Variants in PREX1 observed in about 807,000 individuals in gnomAD.
PREX1 encodes the protein phosphatidylinositol 3,4,5-trisphosphate-dependent Rac exchanger 1 protein.
Under a neutral mutation model 198.3 loss-of-function variants are expected in PREX1, and 41 were observed. That is an observed-to-expected ratio of 0.21 (90% CI 0.16 to 0.27). PREX1 has a LOEUF of 0.27. Ranked by LOEUF, PREX1 falls within the 10% of genes least tolerant of loss-of-function variation. The pLI is 1.00. For missense variants in PREX1, 1,620 were observed against 2,200.7 expected, an observed-to-expected ratio of 0.74 and a Z score of 5.28; for synonymous variants, 843 against 887.2, an observed-to-expected ratio of 0.95 and a Z score of 0.89.
intron 7 of PREX1, 127 bp from the exon 8 acceptor site, chr20:48,692,917 T>G (rs2089826883): frequency 1.3e-6 from 1 of 773,172 alleles, no homozygotes; most frequent in African/African-American, 1.7e-5. Context: ...CAGGTAGGGG[T>G]CAGGAGCAGG....
intron 1 of PREX1, among the ~76,000 whole-genome samples, chr20:48,750,945 T>C (rs1167805959): frequency 2.0e-5 from 3 of 152,184 alleles, no homozygotes. Flanking sequence ...TCATTTACTC[T>C]TCCCAGTGGA....
At position 48,694,235 on chromosome 20, in the gene PREX1, CCA is replaced by C. The variant is rs1216061989; in HGVS notation, c.918-1447_918-1446del. On this transcript the variant is annotated intron_variant, in intron 7 of 39. Coordinates refer to ENST00000371941, the MANE Select transcript of PREX1 (RefSeq NM_020820.4). ...CCCGAATTTCTGTTGTTTAAAAACCCCAGTTTCTGGTATTTTGTTATAGCAGC... is the reference window on the plus strand; with the variant it reads ...CCCGAATTTCTGTTGTTTAAAAACCCGTTTCTGGTATTTTGTTATAGCAGC... Among the ~76,000 whole-genome samples the C allele has an allele frequency of 3.3e-5, 5 of 152,170 alleles. No homozygotes were observed. In the South Asian group the frequency reaches 1.0e-3, roughly 32 times the overall value.
intron 14 of PREX1, among the ~76,000 whole-genome samples, chr20:48,673,434 T>TG (rs1245343332): frequency 6.6e-6 from 1 of 152,198 alleles, no homozygotes; most frequent in African/African-American, 2.4e-5. Flanking sequence ...GAGTTAGGCA[T>TG]GGGATTCACC....
chr20:48,857,980 G>T, the PREX1 span, among the ~76,000 whole-genome samples: 574 of 152,362 alleles, frequency 3.8e-3, 5 homozygotes, highest in African/African-American at 0.013. Flanking sequence ...GCAGCAAAAA[G>T]GAAAGTCCAG....
At chr20:48,646,123 T>C (rs538526623) in intron 25 of PREX1, 66 bp from the exon 26 acceptor site, 2 of 1,523,920 alleles carry the variant, frequency 1.3e-6, no homozygotes, top group African/African-American at 1.4e-5. Flanking sequence ...TCCCTGAAAA[T>C]CCCACCAGCA....
At chr20:48,768,293 G>A (rs73258445) in intron 1 of PREX1, among the ~76,000 whole-genome samples, 1 of 152,114 alleles carries the variant, frequency 6.6e-6, no homozygotes, top group East Asian at 1.9e-4. Context: ...ACAGGAGAAC[G>A]GATGAACAAA....
chr20:48,732,035 C>A (rs986811850), intron 4 of PREX1, among the ~76,000 whole-genome samples: 2 of 152,216 alleles, frequency 1.3e-5, no homozygotes, highest in African/African-American at 4.8e-5. Context: ...GTGCTGCCTG[C>A]AAGCCAACAG....
At chr20:48,753,620 C>G (rs2090143641) in intron 1 of PREX1, among the ~76,000 whole-genome samples, 1 of 152,184 alleles carries the variant, frequency 6.6e-6, no homozygotes, top group African/African-American at 2.4e-5. Flanking sequence ...AGAAAAAAAT[C>G]CAACCTCTTC....
At chr20:48,638,627 TCACCACGCCAGG>T (rs2089384548) in intron 30 of PREX1, among the ~76,000 whole-genome samples, 1 of 151,942 alleles carries the variant, frequency 6.6e-6, no homozygotes, top group South Asian at 2.1e-4. Flanking sequence ...TTGTCAGGAC[TCACCACGCCAGG>T]CACCACGGCA....
intron 4 of PREX1, among the ~76,000 whole-genome samples, chr20:48,728,067 A>C (rs1292379408): frequency 6.6e-6 from 1 of 152,140 alleles, no homozygotes; most frequent in African/African-American, 2.4e-5. Context: ...TTCCTCCTCA[A>C]CACCACCCTG....
chr20:48,841,734 C>T, the PREX1 span, among the ~76,000 whole-genome samples: 1 of 152,302 alleles, frequency 6.6e-6, no homozygotes, highest in Non-Finnish European at 1.5e-5. Context: ...ACAGAACCAG[C>T]GGAGTACAGA....
At chr20:48,872,184 G>A in the PREX1 span, among the ~76,000 whole-genome samples, 2 of 151,512 alleles carry the variant, frequency 1.3e-5, no homozygotes, top group African/African-American at 4.9e-5. Context: ...AAGATTCAGG[G>A]TACCTCTCTC....
At chr20:48,877,419 C>T in the PREX1 span, among the ~76,000 whole-genome samples, 13 of 152,278 alleles carry the variant, frequency 8.5e-5, no homozygotes, top group Admixed American at 8.5e-4. Flanking sequence ...GCACTTTTTT[C>T]TGCACTCTTT....
At chr20:48,844,731 C>T in the PREX1 span, among the ~76,000 whole-genome samples, 11 of 152,256 alleles carry the variant, frequency 7.2e-5, no homozygotes, top group Non-Finnish European at 1.3e-4. Flanking sequence ...CCTGGATCCT[C>T]AATGCTGCTC....
At chr20:48,768,623 G>A (rs1043660812) in intron 1 of PREX1, among the ~76,000 whole-genome samples, 1 of 152,074 alleles carries the variant, frequency 6.6e-6, no homozygotes, top group African/African-American at 2.4e-5. Flanking sequence ...ATGAAACCCC[G>A]TCTCTGCTAA....
Position 48,636,701 on chromosome 20 carries a change from G to T in PREX1, c.3947-18C>A. ...CTCCGTGTCTGGGGGCAGAGGGCAG[G>T]AGGCCTTGCTGGAGGGGCGCTCCCG... is the stretch of plus-strand genomic sequence containing the variant. On this transcript the variant is annotated intron_variant, in intron 31 of 39. Coordinates refer to ENST00000371941, the MANE Select transcript of PREX1 (RefSeq NM_020820.4). 1 of 1,580,044 alleles carries T rather than the reference G, an allele frequency of 6.3e-7. No homozygotes were observed.
intron 1 of PREX1, among the ~76,000 whole-genome samples, chr20:48,792,853 C>CACACATAT (rs1256864071): frequency 4.2e-4 from 61 of 145,352 alleles, no homozygotes; most frequent in Middle Eastern, 7.1e-3. Context: ...CACACACACA[C>CACACATAT]ATAGTATGAT....
intron 1 of PREX1, among the ~76,000 whole-genome samples, chr20:48,799,506 G>A (rs916720432): frequency 6.6e-6 from 1 of 152,212 alleles, no homozygotes; most frequent in African/African-American, 2.4e-5. Context: ...CTATCACCCT[G>A]GAGACTGCAT....
chr20:48,723,163 C>T (rs540768578), intron 5 of PREX1, among the ~76,000 whole-genome samples: 110 of 152,292 alleles, frequency 7.2e-4, no homozygotes, highest in Admixed American at 2.7e-3. Flanking sequence ...TCGCCTCTTC[C>T]CTCTTCCTAC....
Sources: gnomAD v4.1 joint callset for allele counts (sites outside exome capture counted in the v4.1 genomes callset) on GRCh38, gnomAD v4.1.1 for gene constraint, MANE v1.5 for transcripts, NCBI Gene and HGNC (gene_info 2026-07-23, HGNC 2026-07-21) for gene names.